Variants in TTC5 observed in about 807,000 individuals in gnomAD.
TTC5 encodes the protein tetratricopeptide repeat domain 5, also known as tetratricopeptide repeat protein 5.
Under a neutral mutation model 57.4 loss-of-function variants are expected in TTC5, and 46 were observed. The observed-to-expected ratio is 0.80, with a 90% confidence interval of 0.63 to 1.03. The LOEUF (loss-of-function observed/expected upper bound fraction) is 1.03. Among genes scored for constraint, TTC5 ranks in the 50% least tolerant of loss-of-function variants. TTC5 has a pLI of 0.00. For missense variants in TTC5, 504 were observed against 528.1 expected (o/e 0.95, Z 0.45); for synonymous variants, 190 against 203.5 (o/e 0.93, Z 0.57).
Position 20,289,233 on chromosome 14 carries a change from A to G in TTC5, c.*394T>C, listed in dbSNP as rs1465169165. 1.3e-5 allele frequency: 2 copies of G among 155,118 alleles called. No homozygotes were observed. Among genetic ancestry groups the G allele is most frequent in the South Asian group, 2.1e-4 (1 of 4,842 alleles). The allele number at this position is 155,118 out of a possible 1,614,324, so 9.6% of individuals were successfully genotyped here. A position where few individuals can be genotyped will look rare whatever the true frequency, so the allele number is the denominator to read the frequency against. ...ATAAAAATTGCTAAAAATAAAAGCC[A>G]TTACAAAATTAAGCCCCCTCCTTTA... On this transcript the variant is annotated 3_prime_UTR_variant, in exon 10 of 10. Coordinates refer to ENST00000258821, the MANE Select transcript of TTC5 (RefSeq NM_138376.3).
chr14:20,300,155 ATTTTTTTTT>A (rs765208751), intron 3 of TTC5, among the ~76,000 whole-genome samples: 22 of 89,314 alleles, frequency 2.5e-4, no homozygotes, highest in South Asian at 1.7e-3. Flanking sequence ...ATATATATAT[ATTTTTTTTT>A]TTTTTTTTTT....
chr14:20,305,484 G>T, intron 1 of TTC5: 1 of 204,652 alleles, frequency 4.9e-6, no homozygotes, highest in Non-Finnish European at 1.0e-5. Context: ...TCATTAGCGT[G>T]ATTGTTGCCA....
Position 20,295,630 on chromosome 14 carries a change from C to T in TTC5, c.843+78G>A, listed in dbSNP as rs984491758. ...TTCTATAGGGTCTCTACCTCGTAAA[C>T]CTATTTATTCTTATTTTATTGACCC... On this transcript the variant is annotated intron_variant, in intron 7 of 9. Coordinates refer to ENST00000258821, the MANE Select transcript of TTC5 (RefSeq NM_138376.3). The T allele has an allele frequency of 9.7e-6, 15 of 1,546,506 alleles. No individual in the cohort carries two copies. In the African/African-American group the frequency reaches 1.7e-4, roughly 17 times the overall value.
rs1881853724 is a variant in TTC5 at position 20,287,127 on chromosome 14, T to C, written c.*2500A>G. 1 of 152,184 alleles carries C rather than the reference T, an allele frequency of 6.6e-6. No homozygotes were observed. The highest frequency in any genetic ancestry group is 6.5e-5 in the Admixed American group (1 of 15,268). The allele number at this position is 152,184 out of a possible 1,614,324, so 9.4% of individuals were successfully genotyped here. A position where few individuals can be genotyped will look rare whatever the true frequency, so the allele number is the denominator to read the frequency against. On this transcript the variant is annotated 3_prime_UTR_variant, in exon 10 of 10. Coordinates refer to ENST00000258821, the MANE Select transcript of TTC5 (RefSeq NM_138376.3). ...TGTATATACTCTATGATCCAGCAAT[T>C]CCATTCTATGTCAATACTCTTAAAC...
intron 3 of TTC5, among the ~76,000 whole-genome samples, chr14:20,300,021 G>T (rs187951151): frequency 6.7e-6 from 1 of 149,828 alleles, no homozygotes; most frequent in Non-Finnish European, 1.5e-5. Flanking sequence ...GTATTTTTTG[G>T]TAGAGGCAGG....
chr14:20,304,190 A>T (rs1253215953), intron 1 of TTC5, among the ~76,000 whole-genome samples: 2 of 152,218 alleles, frequency 1.3e-5, no homozygotes, highest in African/African-American at 4.8e-5. Context: ...GACTTGGGAC[A>T]TGATAGGCTC....
Position 20,290,583 on chromosome 14 carries a change from T to C in TTC5, c.1204-837A>G, listed in dbSNP as rs567149127. On this transcript the variant is annotated intron_variant, in intron 9 of 9. Transcript: ENST00000258821. ...CAGAGAAACACTTATTTACATCCAC[T>C]GTTGGTAGTGACAACTAACTAGTAC... 3.2e-3 allele frequency among the ~76,000 whole-genome samples: 492 copies of C among 152,350 alleles called. 2 individuals are homozygous for C. The highest frequency in any genetic ancestry group is 0.011 in the African/African-American group (478 of 41,588).
chr14:20,289,644 G>C lies in TTC5; in HGVS notation c.1306C>G (p.Arg436Gly), dbSNP rs201361478. The C allele has an allele frequency of 5.6e-6, 9 of 1,613,208 alleles. 1 individual carries two copies. The South Asian group carries it at 9.9e-5, about 18-fold the overall frequency. Residue 436 changes from arginine to glycine, a missense_variant, in exon 10 of 10, where the codon CGA becomes GGA. Coordinates refer to ENST00000258821, the MANE Select transcript of TTC5 (RefSeq NM_138376.3). ...SSQAVATVASRPQCE is the reference protein window; with the variant it reads ...SSQAVATVASGPQCE ...GTCAAAGGTCATTCACACTGTGGTC[G>C]CGATGCCACTGTGGCAACAGCCTGG...
intron 1 of TTC5, chr14:20,305,371 A>T (rs1882269024): frequency 6.5e-6 from 1 of 152,938 alleles, no homozygotes; most frequent in African/African-American, 2.4e-5. Flanking sequence ...GACTATGTGG[A>T]GTCTGGACCC....
Position 20,295,332 on chromosome 14 carries a change from G to A in TTC5, c.1038C>T (p.Thr346=). ...CTCACAAGGGGACTTTCTCCTCTGT[G>A]GTGAGGCTAAATACCACCTTTCCCA... ...VILGKVVFSL[T]TEEKVPFTFG... is the part of the protein sequence containing the mutation. Residue 346 remains threonine (T), a synonymous_variant, in exon 8 of 10, where the codon ACC becomes ACT. Coordinates refer to ENST00000258821, the MANE Select transcript of TTC5 (RefSeq NM_138376.3). 1 of 1,614,186 alleles carries A rather than the reference G, an allele frequency of 6.2e-7. No individual in the cohort carries two copies. The highest frequency in any genetic ancestry group is 2.2e-5 in the East Asian group (1 of 44,884).
In TTC5 at chr14:20,288,190, TAGATAGATAGATAGAC is replaced by T. The variant is rs1360965321; in HGVS notation, c.*1421_*1436del. On this transcript the variant is annotated 3_prime_UTR_variant, in exon 10 of 10. Coordinates refer to ENST00000258821, the MANE Select transcript of TTC5 (RefSeq NM_138376.3). ...GACTTCTTAGATAGAGACAGATAGA[TAGATAGATAGATAGAC>T]AGATAGATAGATAAAACTTCTCTCA... 6.6e-6 allele frequency: 1 copy of T among 151,104 alleles called. No individual in the cohort carries two copies. The highest frequency in any genetic ancestry group is 1.5e-5 in the Non-Finnish European group (1 of 67,380). 9.4% of individuals were successfully genotyped at this position (151,104 alleles called of 1,614,324 possible).
chr14:20,290,678 G>C (rs1182873180), intron 9 of TTC5, among the ~76,000 whole-genome samples: 1 of 152,120 alleles, frequency 6.6e-6, no homozygotes, highest in Non-Finnish European at 1.5e-5. Flanking sequence ...TTGGACCCAG[G>C]AGTCTACATT....
In TTC5 at chr14:20,297,525, C is replaced by T. The variant is rs577573257; in HGVS notation, c.640-1079G>A. Among the ~76,000 whole-genome samples the T allele has an allele frequency of 2.0e-4, 31 of 152,304 alleles. No homozygotes were observed. In the East Asian group the frequency reaches 5.2e-3, roughly 26 times the overall value. ...GTGGCTCACACTTGTAATCCCAACA[C>T]TTTGGGAGACCGAGGCGGATGGATC... On this transcript the variant is annotated intron_variant, in intron 5 of 9. Transcript: ENST00000258821.
At chr14:20,295,228 TCTC>T (rs1882034470) in intron 8 of TTC5, 81 bp downstream of exon 8, 7 of 1,270,636 alleles carry the variant, frequency 5.5e-6, no homozygotes, top group Non-Finnish European at 6.8e-6. Flanking sequence ...CCACTGACAA[TCTC>T]CTCAACTGCC....
At position 20,295,386 on chromosome 14, in the gene TTC5, C is replaced by T. The variant is rs867970465; in HGVS notation, c.984G>A (p.Gln328=). Residue 328 remains glutamine (Q), a synonymous_variant, in exon 8 of 10, where the codon CAG becomes CAA. Coordinates refer to ENST00000258821, the MANE Select transcript of TTC5 (RefSeq NM_138376.3). ...TLELKPLSTL[Q]PGVNSGAVIL... is the part of the protein sequence containing the mutation. ...TGACGGCACCGCTGTTCACCCCAGGCTGAAGCGTACTCAGTGGCTTGAGCT... is the reference window on the plus strand; with the variant it reads ...TGACGGCACCGCTGTTCACCCCAGGTTGAAGCGTACTCAGTGGCTTGAGCT... 1.2e-6 allele frequency: 2 copies of T among 1,614,202 alleles called. No individual in the cohort carries two copies. Among genetic ancestry groups the T allele is most frequent in the Middle Eastern group, 3.3e-4 (2 of 6,062 alleles).
chr14:20,300,488 G>T (rs1008416950), intron 3 of TTC5, 119 bp downstream of exon 3: 1 of 805,902 alleles, frequency 1.2e-6, no homozygotes, highest in Non-Finnish European at 1.9e-6. Context: ...CCTCCCTCCT[G>T]ATTCTGTCCT....
intron 9 of TTC5, among the ~76,000 whole-genome samples, chr14:20,290,334 C>T (rs1174363802): frequency 6.6e-6 from 1 of 152,010 alleles, no homozygotes; most frequent in African/African-American, 2.4e-5. Flanking sequence ...AGTCTTCATC[C>T]AAAAAATATG....
chr14:20,302,752 G>A (rs529203476), intron 1 of TTC5, among the ~76,000 whole-genome samples: 1 of 152,222 alleles, frequency 6.6e-6, no homozygotes, highest in African/African-American at 2.4e-5. Context: ...TTGAAACGCT[G>A]ACACCACAAG....
rs1881852323 is a variant in TTC5 at position 20,287,046 on chromosome 14, C to T, written c.*2581G>A. The T allele has an allele frequency of 6.6e-6, 1 of 152,156 alleles. No homozygotes were observed. The highest frequency in any genetic ancestry group is 2.4e-5 in the African/African-American group (1 of 41,440). The allele number at this position is 152,156 out of a possible 1,614,324, so 9.4% of individuals were successfully genotyped here. On this transcript the variant is annotated 3_prime_UTR_variant, in exon 10 of 10. Coordinates refer to ENST00000258821, the MANE Select transcript of TTC5 (RefSeq NM_138376.3). ...GTGACTCATCTATTGATAGTAGAGA[C>T]ATAAACTAATATAAGCACTTTGGAA...
Sources: gnomAD v4.1 joint callset for allele counts (sites outside exome capture counted in the v4.1 genomes callset) on GRCh38, gnomAD v4.1.1 for gene constraint, MANE v1.5 for transcripts, NCBI Gene and HGNC (gene_info 2026-07-23, HGNC 2026-07-21) for gene names.